Variants in HIVEP2 observed in about 807,000 individuals in gnomAD.
HIVEP2 encodes HIVEP zinc finger 2.
Under a neutral mutation model 180.7 loss-of-function variants are expected in HIVEP2, and 14 were observed. The ratio of observed to expected loss-of-function variants is 0.08; its 90% CI spans 0.05 to 0.12. The LOEUF is 0.12. HIVEP2 is among the 10% of genes least tolerant of loss of function. The pLI, the probability that HIVEP2 is intolerant of heterozygous loss-of-function variation, is 1.00. For synonymous variants in HIVEP2, 1,184 were observed against 1,136.4 expected (o/e 1.04, Z -0.84); for missense variants, 2,579 against 3,008.5 (o/e 0.86, Z 3.34).
At chr6:142,816,474 C>A (rs1776838380) in intron 2 of HIVEP2, among the ~76,000 whole-genome samples, 1 of 152,206 alleles carries the variant, frequency 6.6e-6, no homozygotes, top group South Asian at 2.1e-4. Flanking sequence ...TCACTCAACT[C>A]ACACTATTAG....
In HIVEP2 at chr6:142,887,261, CAG is replaced by C. The variant is rs553185031; in HGVS notation, c.-640-50216_-640-50215del. On this transcript the variant is annotated intron_variant, in intron 1 of 9. Coordinates refer to ENST00000367603, the MANE Select transcript of HIVEP2 (RefSeq NM_006734.4). ...AACAATAAAGAAAAACTTTGAGAAACAGAAAAAAAAACCTAAAAGATAAGATG... is the reference window on the plus strand; with the variant it reads ...AACAATAAAGAAAAACTTTGAGAAACAAAAAAAAACCTAAAAGATAAGATG... 2.3e-4 allele frequency among the ~76,000 whole-genome samples: 34 copies of C among 150,540 alleles called. 1 individual carries two copies. In the South Asian group the frequency reaches 6.7e-3, roughly 30 times the overall value.
At chr6:142,878,294 C>T (rs547264163) in intron 1 of HIVEP2, among the ~76,000 whole-genome samples, 1 of 152,180 alleles carries the variant, frequency 6.6e-6, no homozygotes, top group Non-Finnish European at 1.5e-5. Context: ...ACAAATGTTC[C>T]CAATTTCAAC....
At chr6:142,828,652 G>A (rs896914737) in intron 2 of HIVEP2, among the ~76,000 whole-genome samples, 9 of 151,930 alleles carry the variant, frequency 5.9e-5, no homozygotes, top group African/African-American at 2.2e-4. Flanking sequence ...GGCTGGTCTC[G>A]AACTCCTGAC....
At chr6:142,827,525 C>T (rs1475137995) in intron 2 of HIVEP2, among the ~76,000 whole-genome samples, 3 of 152,188 alleles carry the variant, frequency 2.0e-5, no homozygotes, top group African/African-American at 4.8e-5. Context: ...TCTGTGTGCG[C>T]GCACGCACGT....
chr6:142,824,892 G>A (rs1403925332), intron 2 of HIVEP2, among the ~76,000 whole-genome samples: 1 of 151,758 alleles, frequency 6.6e-6, no homozygotes, highest in Non-Finnish European at 1.5e-5. Context: ...CACACCTCTG[G>A]AGCTGGTAGA....
intron 3 of HIVEP2, among the ~76,000 whole-genome samples, chr6:142,782,321 T>C (rs1775879291): frequency 6.6e-6 from 1 of 152,160 alleles, no homozygotes; most frequent in Admixed American, 6.5e-5. Context: ...AAAAAATACA[T>C]GAACATCTCG....
At chr6:142,841,072 G>T in intron 1 of HIVEP2, among the ~76,000 whole-genome samples, 1 of 151,100 alleles carries the variant, frequency 6.6e-6, no homozygotes, top group African/African-American at 2.4e-5. Context: ...CTACCTTTAG[G>T]TCATAGTTCT....
intron 1 of HIVEP2, among the ~76,000 whole-genome samples, chr6:142,877,586 G>T (rs1776475461): frequency 6.6e-6 from 1 of 151,696 alleles, no homozygotes; most frequent in South Asian, 2.1e-4. Flanking sequence ...AATGTATTGT[G>T]CATCATTCTA....
At chr6:142,892,364 C>T (rs1776880683) in intron 1 of HIVEP2, among the ~76,000 whole-genome samples, 1 of 152,102 alleles carries the variant, frequency 6.6e-6, no homozygotes, top group Non-Finnish European at 1.5e-5. Context: ...CCACACATAC[C>T]CTCTGCTGGC....
chr6:142,806,183 G>C (rs1191736578), intron 2 of HIVEP2, among the ~76,000 whole-genome samples: 1 of 152,146 alleles, frequency 6.6e-6, no homozygotes, highest in Non-Finnish European at 1.5e-5. Context: ...ACATTTTGGA[G>C]AAATAGGATA....
chr6:142,945,260 A>G (rs1485802852), upstream of HIVEP2: 1 of 152,050 alleles, frequency 6.6e-6, no homozygotes, highest in East Asian at 1.9e-4. This position sits in a 1 kb window ranked among gnomAD's most constrained non-coding sequence, Gnocchi z 5.5. Context: ...CCTCATCTGC[A>G]TAGATCCGCG....
At chr6:142,842,588 G>C (rs1775394996) in intron 1 of HIVEP2, among the ~76,000 whole-genome samples, 1 of 152,172 alleles carries the variant, frequency 6.6e-6, no homozygotes, top group Admixed American at 6.5e-5. Flanking sequence ...GTGAAAGAAG[G>C]AGTGATGTGC....
intron 1 of HIVEP2, among the ~76,000 whole-genome samples, chr6:142,857,855 G>T (rs1444659323): frequency 2.0e-5 from 3 of 152,174 alleles, no homozygotes; most frequent in African/African-American, 7.2e-5. Flanking sequence ...GCGGGCGGGG[G>T]GAAGCCACGG....
intron 1 of HIVEP2, among the ~76,000 whole-genome samples, chr6:142,922,321 T>A (rs575205761): frequency 6.6e-6 from 1 of 152,332 alleles, no homozygotes; most frequent in Admixed American, 6.5e-5. Context: ...TGCTTCCCCC[T>A]ACTTTTGCCC....
chr6:142,877,669 C>G (rs944095746), intron 1 of HIVEP2, among the ~76,000 whole-genome samples: 2 of 152,108 alleles, frequency 1.3e-5, no homozygotes, highest in Non-Finnish European at 2.9e-5. Context: ...CCTTCATACT[C>G]CTAAACTATA....
intron 1 of HIVEP2, among the ~76,000 whole-genome samples, chr6:142,937,273 G>T (rs1193411216): frequency 6.6e-6 from 1 of 152,094 alleles, no homozygotes; most frequent in Non-Finnish European, 1.5e-5. Flanking sequence ...GAGTTTAATG[G>T]ACCATTTGAA....
chr6:142,759,723 C>T (rs757162749), intron 9 of HIVEP2, 49 bp downstream of exon 9: 7 of 1,452,064 alleles, frequency 4.8e-6, no homozygotes, highest in Non-Finnish European at 6.6e-6. Flanking sequence ...ATCAGGAGGA[C>T]CAATGTGCTT....
At chr6:142,941,964 TAGG>T (rs1253566698) in intron 1 of HIVEP2, among the ~76,000 whole-genome samples, 2 of 152,142 alleles carry the variant, frequency 1.3e-5, no homozygotes, top group African/African-American at 4.8e-5. Context: ...TTTTAACAAA[TAGG>T]AGATGAGCAG....
intron 1 of HIVEP2, among the ~76,000 whole-genome samples, chr6:142,937,640 T>C (rs986439643): frequency 3.9e-5 from 6 of 152,220 alleles, no homozygotes; most frequent in African/African-American, 1.2e-4. Context: ...ATGGTTGGCC[T>C]TTTTTAAATA....
Sources: gnomAD v4.1 joint callset for allele counts (sites outside exome capture counted in the v4.1 genomes callset) on GRCh38, gnomAD v4.1.1 for gene constraint, Gnocchi (gnomAD v3.1) non-coding constraint, MANE v1.5 for transcripts, NCBI Gene and HGNC (gene_info 2026-07-23, HGNC 2026-07-21) for gene names.